Variants in CCDC152 observed in about 807,000 individuals in gnomAD.
CCDC152 encodes the protein coiled-coil domain containing 152.
Under a neutral mutation model 38.1 loss-of-function variants are expected in CCDC152, and 37 were observed. The ratio of observed to expected loss-of-function variants is 0.97; its 90% CI spans 0.75 to 1.28. The LOEUF is 1.28. Ranked by LOEUF, CCDC152 falls within the 50% of genes most tolerant of loss-of-function variation. The probability of loss-of-function intolerance (pLI) is 0.00; values close to 1 mark genes in which losing one functional copy is unlikely to be tolerated. For missense variants in CCDC152, 259 were observed against 292.1 expected, an observed-to-expected ratio of 0.89 and a Z score of 0.83; for synonymous variants, 83 against 87.1, an observed-to-expected ratio of 0.95 and a Z score of 0.26.
At position 42,801,381 on chromosome 5, in the gene CCDC152, T is replaced by A; in HGVS notation, c.*1600T>A. The A allele has an allele frequency of 2.3e-6, 3 of 1,283,576 alleles. No individual in the cohort carries two copies. Among genetic ancestry groups the A allele is most frequent in the Non-Finnish European group, 3.2e-6 (3 of 928,180 alleles). The allele number at this position is 1,283,576 out of a possible 1,614,324, so 79.5% of individuals were successfully genotyped here. A position where few individuals can be genotyped will look rare whatever the true frequency, so the allele number is the denominator to read the frequency against. On this transcript the variant is annotated 3_prime_UTR_variant, in exon 9 of 9. Transcript: ENST00000361970. ...TTTAACAAGCTTATAGAGATAGGAATAATGCGTGAAAAATGATTTGTAGAG... is the reference window on the plus strand; with the variant it reads ...TTTAACAAGCTTATAGAGATAGGAAAAATGCGTGAAAAATGATTTGTAGAG...
rs372339051 is a variant in CCDC152 at position 42,801,175 on chromosome 5, C to A, written c.*1394C>A. 1 of 1,614,122 alleles carries A rather than the reference C, an allele frequency of 6.2e-7. No homozygotes were observed. Among genetic ancestry groups the A allele is most frequent in the Middle Eastern group, 1.6e-4 (1 of 6,062 alleles). On this transcript the variant is annotated 3_prime_UTR_variant, in exon 9 of 9. Transcript: ENST00000361970. ...GCAGGATGAGTAGGAGCATTTGGTG[C>A]TCCTGGTTGCTGATTCTCTGAAAGC...
intron 5 of CCDC152, among the ~76,000 whole-genome samples, chr5:42,780,744 C>T (rs1278715352): frequency 6.6e-6 from 1 of 152,074 alleles, no homozygotes; most frequent in Non-Finnish European, 1.5e-5. Flanking sequence ...AGAAAACTCC[C>T]CAGGAACAAA....
intron 3 of CCDC152, among the ~76,000 whole-genome samples, chr5:42,765,398 G>T (rs189001494): frequency 3.0e-4 from 45 of 152,098 alleles, no homozygotes; most frequent in African/African-American, 1.1e-3. Flanking sequence ...ATTCTTCAAA[G>T]AAATAGAAAA....
In CCDC152 at chr5:42,796,887, AG is replaced by A; in HGVS notation, c.490del (p.Glu164SerfsTer2). The A allele has an allele frequency of 6.5e-7, 1 of 1,530,732 alleles. No individual in the cohort carries two copies. The highest frequency in any genetic ancestry group is 2.5e-5 in the East Asian group (1 of 40,034). The allele number at this position is 1,530,732 out of a possible 1,614,324, so 94.8% of individuals were successfully genotyped here. Reference protein sequence around the residue: ...LIEKKEMEISELNAKLRSQEK... With the variant: ...LIEKKEMEISXLNAKLRSQEK... ...TAGAGAAAAAGGAGATGGAAATTTCAGAGTTAAATGCAAAGCTAAGAAGTCA... is the reference window on the plus strand; with the variant it reads ...TAGAGAAAAAGGAGATGGAAATTTCAAGTTAAATGCAAAGCTAAGAAGTCA... On this transcript the variant is annotated frameshift_variant, in exon 7 of 9. Coordinates refer to ENST00000361970, the MANE Select transcript of CCDC152 (RefSeq NM_001134848.2). LOFTEE classifies it high-confidence loss of function.
intron 4 of CCDC152, among the ~76,000 whole-genome samples, chr5:42,772,435 C>G (rs1016724351): frequency 6.6e-6 from 1 of 152,066 alleles, no homozygotes; most frequent in African/African-American, 2.4e-5. Context: ...CGCTGTGGCT[C>G]ACGCCTGTAA....
intron 6 of CCDC152, among the ~76,000 whole-genome samples, chr5:42,790,217 A>G (rs1759979347): frequency 6.6e-6 from 1 of 152,226 alleles, no homozygotes; most frequent in African/African-American, 2.4e-5. Flanking sequence ...ACACCTGTAA[A>G]TCCCAGCACT....
intron 6 of CCDC152, among the ~76,000 whole-genome samples, chr5:42,788,505 C>T (rs1475735075): frequency 1.3e-5 from 2 of 152,068 alleles, no homozygotes; most frequent in East Asian, 3.9e-4. Context: ...GGTAAACTGC[C>T]TGCCTTGGCC....
intron 6 of CCDC152, among the ~76,000 whole-genome samples, chr5:42,794,929 C>A (rs1465290852): frequency 6.6e-6 from 1 of 151,730 alleles, no homozygotes; most frequent in African/African-American, 2.4e-5. Context: ...TAATGATTAT[C>A]AATCTAATAG....
chr5:42,778,024 A>C (rs1268839592), intron 4 of CCDC152, among the ~76,000 whole-genome samples: 1 of 152,200 alleles, frequency 6.6e-6, no homozygotes, highest in Non-Finnish European at 1.5e-5. Context: ...AATGTCAAAA[A>C]TCTTTACTGA....
At chr5:42,790,814 T>C (rs928457786) in intron 6 of CCDC152, among the ~76,000 whole-genome samples, 2 of 152,192 alleles carry the variant, frequency 1.3e-5, no homozygotes, top group African/African-American at 4.8e-5. Context: ...AGCTCAGTCA[T>C]TGACTGGGAG....
intron 6 of CCDC152, among the ~76,000 whole-genome samples, chr5:42,795,742 A>G (rs1251638165): frequency 1.3e-5 from 2 of 152,186 alleles, no homozygotes; most frequent in Non-Finnish European, 2.9e-5. Flanking sequence ...ATTACTGGGT[A>G]TATACCCAAA....
intron 1 of CCDC152, among the ~76,000 whole-genome samples, chr5:42,757,821 A>G (rs558231430): frequency 7.9e-5 from 12 of 152,330 alleles, no homozygotes; most frequent in African/African-American, 2.6e-4. Flanking sequence ...ATTTATTTCA[A>G]GAGCCAGATT....
intron 8 of CCDC152, 69 bp from the exon 9 acceptor site, chr5:42,799,587 TTTG>T (rs1043412150): frequency 3.0e-5 from 38 of 1,272,468 alleles, no homozygotes; most frequent in Middle Eastern, 2.0e-4. Context: ...AGTGCATTTC[TTTG>T]TTATTTTGTT....
Position 42,777,979 on chromosome 5 carries a change from C to A in CCDC152, c.263-1479C>A, listed in dbSNP as rs189699777. Among the ~76,000 whole-genome samples, 199 of 152,124 alleles carry A rather than the reference C, an allele frequency of 1.3e-3. 1 individual carries two copies. Among genetic ancestry groups the A allele is most frequent in the African/African-American group, 4.5e-3 (186 of 41,494 alleles). ...AAGGCTCCTCTCAACTTTACTATAC[C>A]ACAAAACAAACCTTCCTAAAAGCAT... On this transcript the variant is annotated intron_variant, in intron 4 of 8. Coordinates refer to ENST00000361970, the MANE Select transcript of CCDC152 (RefSeq NM_001134848.2).
chr5:42,762,856 G>GA (rs1393032113), intron 3 of CCDC152, among the ~76,000 whole-genome samples: 1 of 152,128 alleles, frequency 6.6e-6, no homozygotes, highest in East Asian at 1.9e-4. Flanking sequence ...AAACCATAGG[G>GA]AAAAAAATTA....
At chr5:42,783,271 T>C (rs1024230532) in intron 5 of CCDC152, among the ~76,000 whole-genome samples, 2 of 152,076 alleles carry the variant, frequency 1.3e-5, no homozygotes, top group African/African-American at 4.8e-5. Context: ...ATATTTTTCC[T>C]TGTAGATATA....
Position 42,801,526 on chromosome 5 carries a change from G to C in CCDC152, c.*1745G>C, listed in dbSNP as rs1415528266. ...ATTTTATTAAAGGCTTAAAAAGAAA[G>C]CCAAACCACTGTACTTATATTTGCA... is the stretch of plus-strand genomic sequence containing the variant. On this transcript the variant is annotated 3_prime_UTR_variant, in exon 9 of 9. Coordinates refer to ENST00000361970, the MANE Select transcript of CCDC152 (RefSeq NM_001134848.2). 7 of 529,790 alleles carry C rather than the reference G, an allele frequency of 1.3e-5. No homozygotes were observed. The South Asian group carries it at 2.4e-4, about 18-fold the overall frequency. The allele number at this position is 529,790 out of a possible 1,614,324, so 32.8% of individuals were successfully genotyped here. A position where few individuals can be genotyped will look rare whatever the true frequency, so the allele number is the denominator to read the frequency against.
At chr5:42,787,961 A>G (rs917726041) in intron 6 of CCDC152, among the ~76,000 whole-genome samples, 3 of 152,118 alleles carry the variant, frequency 2.0e-5, no homozygotes, top group African/African-American at 7.2e-5. Context: ...TAATATTTAT[A>G]TGTGGCATTT....
At chr5:42,772,892 A>G (rs1759718959) in intron 4 of CCDC152, among the ~76,000 whole-genome samples, 1 of 152,126 alleles carries the variant, frequency 6.6e-6, no homozygotes, top group South Asian at 2.1e-4. Context: ...TCTCTCCTTA[A>G]CAGGAAACGG....
Sources: allele counts gnomAD v4.1 joint callset (sites outside exome capture counted in the v4.1 genomes callset), GRCh38; gene constraint gnomAD v4.1.1; transcripts MANE v1.5; gene names NCBI Gene and HGNC (gene_info 2026-07-23, HGNC 2026-07-21).